Variants in BPIFC observed in about 807,000 individuals in gnomAD.
The protein encoded by BPIFC is BPI fold containing family C.
Under a neutral mutation model 57.6 loss-of-function variants are expected in BPIFC, and 60 were observed. That is an observed-to-expected ratio of 1.04 (90% confidence interval 0.85 to 1.29). BPIFC has a LOEUF of 1.29. Among genes scored for constraint, BPIFC ranks in the 50% most tolerant of loss-of-function variants. The pLI is 0.00. For synonymous variants in BPIFC, 243 were observed against 224.5 expected, an observed-to-expected ratio of 1.08 and a Z score of -0.74; for missense variants, 581 against 600.5, an observed-to-expected ratio of 0.97 and a Z score of 0.34.
intron 1 of BPIFC, among the ~76,000 whole-genome samples, chr22:32,463,823 G>T (rs1935209277): frequency 6.6e-6 from 1 of 152,280 alleles, no homozygotes; most frequent in South Asian, 2.1e-4. Context: ...CAAGGACCTT[G>T]AGAATTCATA....
chr22:32,431,324 A>G (rs370394889), intron 13 of BPIFC, 23 bp downstream of exon 13: 1 of 1,597,474 alleles, frequency 6.3e-7, no homozygotes, highest in African/African-American at 1.3e-5. Flanking sequence ...AGGTGCCCCA[A>G]CAGTCAAATT....
At chr22:32,443,226 C>G (rs550844873) in intron 7 of BPIFC, among the ~76,000 whole-genome samples, 19 of 150,488 alleles carry the variant, frequency 1.3e-4, no homozygotes, top group African/African-American at 3.7e-4. Context: ...TGCAGTGGCG[C>G]GATCTCGGCT....
intron 7 of BPIFC, among the ~76,000 whole-genome samples, chr22:32,444,838 T>C (rs577811326): frequency 1.3e-5 from 2 of 152,166 alleles, no homozygotes; most frequent in South Asian, 4.1e-4. Context: ...AATTTTCCAT[T>C]TCTCTGAACC....
intron 4 of BPIFC, among the ~76,000 whole-genome samples, chr22:32,449,790 A>G (rs1348119613): frequency 6.7e-6 from 1 of 150,254 alleles, no homozygotes; most frequent in East Asian, 1.9e-4. Context: ...GCTGGAGTGC[A>G]GTGGCATGAT....
chr22:32,429,272 T>C (rs1311846888), intron 13 of BPIFC, among the ~76,000 whole-genome samples: 5 of 151,836 alleles, frequency 3.3e-5, no homozygotes, highest in African/African-American at 1.2e-4. Flanking sequence ...AGTGGCGCCA[T>C]CTCGGCTCAC....
intron 5 of BPIFC, among the ~76,000 whole-genome samples, chr22:32,446,547 C>A (rs571453227): frequency 1.2e-4 from 19 of 152,180 alleles, no homozygotes; most frequent in Non-Finnish European, 2.9e-5. Flanking sequence ...TGTCATTTCT[C>A]TACAATCTAC....
chr22:32,448,122 G>T (rs1934781849), intron 4 of BPIFC, among the ~76,000 whole-genome samples: 1 of 150,980 alleles, frequency 6.6e-6, no homozygotes, highest in Admixed American at 6.6e-5. Flanking sequence ...AGGCTGGAGT[G>T]CAGTGGCACG....
chr22:32,463,471 G>C (rs1935203752), intron 1 of BPIFC, among the ~76,000 whole-genome samples: 1 of 152,192 alleles, frequency 6.6e-6, no homozygotes, highest in Non-Finnish European at 1.5e-5. Context: ...CCTTGTGTGA[G>C]TCATCCTGAC....
chr22:32,425,859 A>G (rs1196151978), intron 13 of BPIFC, among the ~76,000 whole-genome samples: 1 of 152,158 alleles, frequency 6.6e-6, no homozygotes, highest in East Asian at 1.9e-4. Context: ...GCAACCACAC[A>G]CTTTACCTGT....
At chr22:32,446,184 A>T (rs1934724041) in intron 5 of BPIFC, among the ~76,000 whole-genome samples, 188 bp from the exon 6 acceptor site, 1 of 152,204 alleles carries the variant, frequency 6.6e-6, no homozygotes, top group Non-Finnish European at 1.5e-5. Flanking sequence ...GAACAGACGA[A>T]GTACTGAATA....
intron 5 of BPIFC, chr22:32,446,910 T>C (rs2145952577): frequency 1.5e-6 from 1 of 663,772 alleles, no homozygotes; most frequent in Non-Finnish European, 1.9e-6. Context: ...CAGTGATTTG[T>C]GGGTGATCGA....
intron 4 of BPIFC, among the ~76,000 whole-genome samples, chr22:32,448,905 C>A (rs1934809367): frequency 6.6e-6 from 1 of 151,880 alleles, no homozygotes; most frequent in Admixed American, 6.6e-5. Context: ...CCACTGCACA[C>A]CAGCCCGGGT....
At chr22:32,446,971 T>G (rs1189702025) in intron 5 of BPIFC, among the ~76,000 whole-genome samples, 2 of 152,218 alleles carry the variant, frequency 1.3e-5, no homozygotes, top group Non-Finnish European at 2.9e-5. Flanking sequence ...TTCTAGTTCT[T>G]AAGAGAATCT....
At chr22:32,451,002 A>C (rs923110921) in intron 4 of BPIFC, among the ~76,000 whole-genome samples, 2 of 152,194 alleles carry the variant, frequency 1.3e-5, no homozygotes, top group African/African-American at 4.8e-5. Context: ...TTATAATTAA[A>C]ATTAATGAAA....
rs1201770289 is a variant in BPIFC, at chr22:32,434,094, ATATC to A, written c.925-326_925-323del. ...AACAAAGTTTTAGTTATATATATAT[ATATC>A]TATATGTACATATTCTTTATTTTTA... On this transcript the variant is annotated intron_variant, in intron 10 of 16. Coordinates refer to ENST00000300399, the MANE Select transcript of BPIFC (RefSeq NM_174932.3). Among the ~76,000 whole-genome samples, 41 of 149,656 alleles carry A rather than the reference ATATC, an allele frequency of 2.7e-4. No individual in the cohort carries two copies. In the South Asian group the frequency reaches 7.4e-3, roughly 27 times the overall value.
At position 32,420,701 on chromosome 22, in the gene BPIFC, G is replaced by C. The variant is rs185786350; in HGVS notation, c.1218-1297C>G. Among the ~76,000 whole-genome samples the C allele has an allele frequency of 1.6e-4, 25 of 152,306 alleles. 1 individual carries two copies. In the East Asian group the frequency reaches 4.8e-3, roughly 29 times the overall value. ...TATTGTGTAGTTTCAAATAGCTAGAGGGAAGATAGAACAGCCTCAACACAA... is the reference window on the plus strand; with the variant it reads ...TATTGTGTAGTTTCAAATAGCTAGACGGAAGATAGAACAGCCTCAACACAA... On this transcript the variant is annotated intron_variant, in intron 13 of 16. Transcript: ENST00000300399.
At chr22:32,435,536 C>T (rs952484906) in intron 10 of BPIFC, among the ~76,000 whole-genome samples, 168 bp downstream of exon 10, 2 of 152,130 alleles carry the variant, frequency 1.3e-5, no homozygotes, top group South Asian at 2.1e-4. Context: ...ATGCTCAACC[C>T]GTAACAATGT....
At chr22:32,418,239 T>TG (rs1476837914) in intron 14 of BPIFC, among the ~76,000 whole-genome samples, 1 of 152,220 alleles carries the variant, frequency 6.6e-6, no homozygotes, top group East Asian at 1.9e-4. Flanking sequence ...CCCAACTACT[T>TG]GCACTGCCTA....
In BPIFC at chr22:32,431,344, T is replaced by C; in HGVS notation, c.1217+3A>G. On this transcript the variant is annotated splice_donor_region_variant and intron_variant, in intron 13 of 16. Transcript: ENST00000300399. ...CCCCAACAGTCAAATTGATTGATCT[T>C]ACCTGTTCAGAGACAAGGAGCAGAC... The C allele has an allele frequency of 2.5e-6, 4 of 1,610,560 alleles. No homozygotes were observed. The highest frequency in any genetic ancestry group is 3.4e-6 in the Non-Finnish European group (4 of 1,177,140).
Sources: gnomAD v4.1 joint callset for allele counts (sites outside exome capture counted in the v4.1 genomes callset) on GRCh38, gnomAD v4.1.1 for gene constraint, MANE v1.5 for transcripts, NCBI Gene and HGNC (gene_info 2026-07-23, HGNC 2026-07-21) for gene names.